KCNK12: variants seen among roughly 807,000 people sequenced by gnomAD.
KCNK12 encodes potassium two pore domain channel subfamily K member 12, also known as potassium channel subfamily K member 12.
KCNK12 carries 6 observed loss-of-function variants against 25.3 expected under a neutral mutation model. The observed-to-expected ratio is 0.24, with a 90% CI of 0.13 to 0.47. The LOEUF (loss-of-function observed/expected upper bound fraction) is 0.47. Among genes scored for constraint, KCNK12 ranks in the 20% least tolerant of loss-of-function variants. The pLI is 0.99. For synonymous variants in KCNK12, 331 were observed against 311.1 expected, an observed-to-expected ratio of 1.06 and a Z score of -0.67; for missense variants, 444 against 661.7, an observed-to-expected ratio of 0.67 and a Z score of 3.61.
chr2:47,514,402 C>T lies in KCNK12; in HGVS notation c.*6505G>A, dbSNP rs1668475879. ...ATCAAGGGCGGTCCTGTCTTTCTCA[C>T]CCTTGTCTCTCCAGCCCCTAACACA... On this transcript the variant is annotated 3_prime_UTR_variant, in exon 2 of 2. Coordinates refer to ENST00000327876, the MANE Select transcript of KCNK12 (RefSeq NM_022055.2). This position sits in a 1 kb window ranked among gnomAD's most constrained non-coding sequence, Gnocchi z 5.0. 6.6e-6 allele frequency among the ~76,000 whole-genome samples: 1 copy of T among 152,208 alleles called. No individual in the cohort carries two copies. Among genetic ancestry groups the T allele is most frequent in the African/African-American group, 2.4e-5 (1 of 41,454 alleles).
rs1457996724 is a variant in KCNK12 at position 47,555,860 on chromosome 2, A to G, written c.391+14081T>C. 6.6e-6 allele frequency: 1 copy of G among 152,310 alleles called. No homozygotes were observed. Among genetic ancestry groups the G allele is most frequent in the African/African-American group, 2.4e-5 (1 of 41,468 alleles). 9.4% of individuals were successfully genotyped at this position (152,310 alleles called of 1,614,324 possible). On this transcript the variant is annotated intron_variant, in intron 1 of 1. Transcript: ENST00000327876. The surrounding 1 kb of genome is among the most constrained non-coding windows in gnomAD (Gnocchi z 4.5). ...GGAAAGCAGCCAGTGAGGATCAAGG[A>G]CAGCATGATGTTCTGGAAGCCAAGA...
At chr2:47,526,647 C>T (rs908577730) in intron 1 of KCNK12, among the ~76,000 whole-genome samples, 9 of 151,546 alleles carry the variant, frequency 5.9e-5, no homozygotes, top group African/African-American at 9.7e-5. Context: ...CCAGGAGAAT[C>T]GCTTGAATCC....
rs577383020 is a variant in KCNK12, at chr2:47,543,572, TTGCTGGG to T, written c.392-21771_392-21765del. 7.2e-5 allele frequency: 11 copies of T among 152,408 alleles called. No individual in the cohort carries two copies. The East Asian group carries it at 2.1e-3, about 29-fold the overall frequency. The allele number at this position is 152,408 out of a possible 1,614,324, so 9.4% of individuals were successfully genotyped here. A position where few individuals can be genotyped will look rare whatever the true frequency, so the allele number is the denominator to read the frequency against. On this transcript the variant is annotated intron_variant, in intron 1 of 1. Coordinates refer to ENST00000327876, the MANE Select transcript of KCNK12 (RefSeq NM_022055.2). ...GAAACCCGTGGGAAGCTCTGCTGTA[TTGCTGGG>T]TGCTCCTGTTCTGTGGCAAGACAAC...
At position 47,511,127 on chromosome 2, in the gene KCNK12, C is replaced by T. The variant is rs981580770; in HGVS notation, c.*9780G>A. 7.9e-5 allele frequency among the ~76,000 whole-genome samples: 12 copies of T among 152,192 alleles called. No homozygotes were observed. The highest frequency in any genetic ancestry group is 2.9e-4 in the African/African-American group (12 of 41,450). On this transcript the variant is annotated 3_prime_UTR_variant, in exon 2 of 2. Transcript: ENST00000327876. This position sits in a 1 kb window ranked among gnomAD's most constrained non-coding sequence, Gnocchi z 4.3. The stretch of plus-strand genomic sequence containing the variant: ...TTGAGTGAATGAATACAATACCAAA[C>T]GAATGGACAGGACAGAGCTGTGGGC...
chr2:47,516,129 G>T lies in KCNK12; in HGVS notation c.*4778C>A, dbSNP rs1238553314. On this transcript the variant is annotated 3_prime_UTR_variant, in exon 2 of 2. Coordinates refer to ENST00000327876, the MANE Select transcript of KCNK12 (RefSeq NM_022055.2). The stretch of plus-strand genomic sequence containing the variant: ...CCAAAACTAGAATTCAGACCTCCTA[G>T]TTTCTAAGTGGACGCTCTTTCTACA... Among the ~76,000 whole-genome samples, 2 of 152,080 alleles carry T rather than the reference G, an allele frequency of 1.3e-5. No individual in the cohort carries two copies. Among genetic ancestry groups the T allele is most frequent in the African/African-American group, 4.8e-5 (2 of 41,402 alleles).
In KCNK12 at chr2:47,516,379, A is replaced by G. The variant is rs1176469514; in HGVS notation, c.*4528T>C. On this transcript the variant is annotated 3_prime_UTR_variant, in exon 2 of 2. Transcript: ENST00000327876. The stretch of plus-strand genomic sequence containing the variant: ...TCTCCCAGTCCCCCAGCCTTGGCTC[A>G]GCCTGGCCAAGCTGCCCAGGAGGTC... Among the ~76,000 whole-genome samples, 1 of 152,176 alleles carries G rather than the reference A, an allele frequency of 6.6e-6. No individual in the cohort carries two copies. Among genetic ancestry groups the G allele is most frequent in the Non-Finnish European group, 1.5e-5 (1 of 68,026 alleles).
At position 47,517,946 on chromosome 2, in the gene KCNK12, A is replaced by C. The variant is rs916249357; in HGVS notation, c.*2961T>G. 4 of 152,222 alleles carry C rather than the reference A, an allele frequency of 2.6e-5. No homozygotes were observed. Among genetic ancestry groups the C allele is most frequent in the African/African-American group, 9.7e-5 (4 of 41,438 alleles). 9.4% of individuals were successfully genotyped at this position (152,222 alleles called of 1,614,324 possible). Reference sequence around the variant, plus strand: ...CCTAAGGTTAGGAAGCAAATCCTGGAGCATGAGGAAATTGTAGGCTACAGT... The same window carrying C: ...CCTAAGGTTAGGAAGCAAATCCTGGCGCATGAGGAAATTGTAGGCTACAGT... On this transcript the variant is annotated 3_prime_UTR_variant, in exon 2 of 2. Coordinates refer to ENST00000327876, the MANE Select transcript of KCNK12 (RefSeq NM_022055.2). This position sits in a 1 kb window ranked among gnomAD's most constrained non-coding sequence, Gnocchi z 4.1.
Position 47,569,838 on chromosome 2 carries a change from G to A in KCNK12, c.391+103C>T. ...GAAAGTAAGCAAAGGGACATTAGAAGGGAAGGCAGAGCCGAGGGACGCGGA... is the reference window on the plus strand; with the variant it reads ...GAAAGTAAGCAAAGGGACATTAGAAAGGAAGGCAGAGCCGAGGGACGCGGA... On this transcript the variant is annotated intron_variant, in intron 1 of 1. Transcript: ENST00000327876. The surrounding 1 kb of genome is among the most constrained non-coding windows in gnomAD (Gnocchi z 4.1). The A allele has an allele frequency of 3.2e-6, 3 of 947,510 alleles. No individual in the cohort carries two copies. Among genetic ancestry groups the A allele is most frequent in the Middle Eastern group, 3.8e-4 (1 of 2,622 alleles). The allele number at this position is 947,510 out of a possible 1,614,324, so 58.7% of individuals were successfully genotyped here.
chr2:47,523,528 T>TA (rs1219888793), intron 1 of KCNK12, among the ~76,000 whole-genome samples: 1 of 152,234 alleles, frequency 6.6e-6, no homozygotes, highest in Non-Finnish European at 1.5e-5. Context: ...GCACAGGCTT[T>TA]AAGGGTGTCT....
chr2:47,528,696 A>G lies in KCNK12; in HGVS notation c.392-6888T>C, dbSNP rs1273271446. Reference sequence around the variant, plus strand: ...ATTGATCTGCCATCCCAGTTTGCAAAGAGCAGACACTTGGGGGCTTTATTA... The same window carrying G: ...ATTGATCTGCCATCCCAGTTTGCAAGGAGCAGACACTTGGGGGCTTTATTA... On this transcript the variant is annotated intron_variant, in intron 1 of 1. Transcript: ENST00000327876. The surrounding 1 kb of genome is among the most constrained non-coding windows in gnomAD (Gnocchi z 4.5). Among the ~76,000 whole-genome samples, 1 of 152,226 alleles carries G rather than the reference A, an allele frequency of 6.6e-6. No homozygotes were observed. Among genetic ancestry groups the G allele is most frequent in the Non-Finnish European group, 1.5e-5 (1 of 68,038 alleles).
chr2:47,554,560 G>A (rs532064493), intron 1 of KCNK12, among the ~76,000 whole-genome samples: 41 of 152,342 alleles, frequency 2.7e-4, no homozygotes, highest in South Asian at 2.1e-3. Context: ...TGGCTGTAGT[G>A]CATTGAGTGA....
Position 47,528,543 on chromosome 2 carries a change from A to C in KCNK12, c.392-6735T>G, listed in dbSNP as rs752452457. Among the ~76,000 whole-genome samples the C allele has an allele frequency of 3.3e-5, 5 of 152,234 alleles. No homozygotes were observed. The highest frequency in any genetic ancestry group is 7.3e-5 in the Non-Finnish European group (5 of 68,038). Reference sequence around the variant, plus strand: ...CCAAGCTGCTCTGGAGAGGGGCCTCAAAGCTTCAGCCAGAGAAAAGGCAAA... The same window carrying C: ...CCAAGCTGCTCTGGAGAGGGGCCTCCAAGCTTCAGCCAGAGAAAAGGCAAA... On this transcript the variant is annotated intron_variant, in intron 1 of 1. Coordinates refer to ENST00000327876, the MANE Select transcript of KCNK12 (RefSeq NM_022055.2). This position sits in a 1 kb window ranked among gnomAD's most constrained non-coding sequence, Gnocchi z 4.5.
rs921961411 is a variant in KCNK12 at position 47,515,385 on chromosome 2, T to C, written c.*5522A>G. On this transcript the variant is annotated 3_prime_UTR_variant, in exon 2 of 2. Transcript: ENST00000327876. ...GGAACACTAAGTCTGTGAGAGTTATTTACATCCTACTGCTTAAGGTCATCG... is the reference window on the plus strand; with the variant it reads ...GGAACACTAAGTCTGTGAGAGTTATCTACATCCTACTGCTTAAGGTCATCG... Among the ~76,000 whole-genome samples the C allele has an allele frequency of 7.2e-5, 11 of 152,228 alleles. No individual in the cohort carries two copies. Among genetic ancestry groups the C allele is most frequent in the Admixed American group, 1.3e-4 (2 of 15,290 alleles).
intron 1 of KCNK12, among the ~76,000 whole-genome samples, chr2:47,534,314 G>A (rs1171953376): frequency 6.6e-6 from 1 of 151,846 alleles, no homozygotes; most frequent in Non-Finnish European, 1.5e-5. Context: ...ATTAAAAGCC[G>A]GTTAACCACT....
chr2:47,561,775 CCAGAACCA>C (rs1340055504), intron 1 of KCNK12, among the ~76,000 whole-genome samples: 1 of 152,154 alleles, frequency 6.6e-6, no homozygotes, highest in Admixed American at 6.5e-5. Flanking sequence ...TATCCACTCA[CCAGAACCA>C]CACAGTTTGA....
intron 1 of KCNK12, among the ~76,000 whole-genome samples, chr2:47,537,488 G>A (rs181350596): frequency 2.6e-5 from 4 of 152,062 alleles, no homozygotes; most frequent in Admixed American, 6.5e-5. Flanking sequence ...CCACCACGAC[G>A]CCCAGCTAAT....
At position 47,529,931 on chromosome 2, in the gene KCNK12, C is replaced by G. The variant is rs868705316; in HGVS notation, c.392-8123G>C. Among the ~76,000 whole-genome samples the G allele has an allele frequency of 2.0e-5, 3 of 152,160 alleles. No individual in the cohort carries two copies. Among genetic ancestry groups the G allele is most frequent in the Non-Finnish European group, 2.9e-5 (2 of 68,038 alleles). On this transcript the variant is annotated intron_variant, in intron 1 of 1. Coordinates refer to ENST00000327876, the MANE Select transcript of KCNK12 (RefSeq NM_022055.2). This position sits in a 1 kb window ranked among gnomAD's most constrained non-coding sequence, Gnocchi z 4.3. ...AAAATATAGTTGATTATCTGAAATT[C>G]AAATTTCACTGGGCATGCTGTCTTT...
At chr2:47,558,259 T>A (rs1669590631) in intron 1 of KCNK12, among the ~76,000 whole-genome samples, 1 of 152,198 alleles carries the variant, frequency 6.6e-6, no homozygotes, top group Non-Finnish European at 1.5e-5. Flanking sequence ...AAGCACACAG[T>A]CACACAAGTG....
intron 1 of KCNK12, among the ~76,000 whole-genome samples, chr2:47,531,802 G>A (rs935230914): frequency 3.3e-5 from 5 of 152,200 alleles, no homozygotes; most frequent in Admixed American, 3.3e-4. Flanking sequence ...CCTCACTCCT[G>A]TGATAAGACA....
Sources: gnomAD v4.1 joint callset for allele counts (sites outside exome capture counted in the v4.1 genomes callset) on GRCh38, gnomAD v4.1.1 for gene constraint, Gnocchi (gnomAD v3.1) non-coding constraint, MANE v1.5 for transcripts, NCBI Gene and HGNC (gene_info 2026-07-23, HGNC 2026-07-21) for gene names.